The following CACNA1D variants were observed in gnomAD, a reference collection of about 807,000 sequenced individuals.
CACNA1D encodes the protein calcium voltage-gated channel subunit alpha1 D, also known as voltage-dependent L-type calcium channel subunit alpha-1D.
A neutral mutation model predicts 257.1 loss-of-function variants in CACNA1D; 55 were observed. The ratio of observed to expected loss-of-function variants is 0.21; its 90% CI spans 0.17 to 0.27. The LOEUF (loss-of-function observed/expected upper bound fraction) is 0.27. Among genes scored for constraint, CACNA1D ranks in the 10% least tolerant of loss-of-function variants. The probability of loss-of-function intolerance (pLI) is 1.00; values close to 1 mark genes in which losing one functional copy is unlikely to be tolerated. For missense variants in CACNA1D, 1,876 were observed against 2,784.0 expected (o/e 0.67, Z 7.34); for synonymous variants, 980 against 1,014.9 (o/e 0.97, Z 0.65).
chr3:53,741,728 G>A (rs748551924), intron 21 of CACNA1D, among the ~76,000 whole-genome samples: 29 of 152,248 alleles, frequency 1.9e-4, no homozygotes, highest in Non-Finnish European at 2.8e-4. Context: ...AACACTCACC[G>A]GCTCAGCTTC....
intron 27 of CACNA1D, among the ~76,000 whole-genome samples, chr3:53,750,667 C>T: frequency 6.6e-6 from 1 of 152,308 alleles, no homozygotes; most frequent in Non-Finnish European, 1.5e-5. Flanking sequence ...AAGGCCAGGC[C>T]AGCCACGCAG....
intron 3 of CACNA1D, among the ~76,000 whole-genome samples, chr3:53,549,374 C>T (rs970825522): frequency 5.9e-5 from 9 of 152,154 alleles, no homozygotes; most frequent in South Asian, 2.1e-4. Context: ...CCCTTGAGAC[C>T]GTGTGGATAT....
chr3:53,520,897 T>TC (rs2091541791), intron 3 of CACNA1D, among the ~76,000 whole-genome samples: 2 of 96,450 alleles, frequency 2.1e-5, no homozygotes, highest in Non-Finnish European at 4.3e-5. Context: ...TTTCTTTCTT[T>TC]TCTTTTCTTT....
At chr3:53,672,758 C>G (rs914527772) in intron 7 of CACNA1D, among the ~76,000 whole-genome samples, 5 of 95,008 alleles carry the variant, frequency 5.3e-5, no homozygotes, top group Non-Finnish European at 6.4e-5. Flanking sequence ...CTTGATGACT[C>G]TGTGTGTGTG....
rs3774553 is a variant in CACNA1D, at chr3:53,738,444, A to C, written c.2752-1836A>C. On this transcript the variant is annotated intron_variant, in intron 20 of 47. Coordinates refer to ENST00000350061, the MANE Select transcript of CACNA1D (RefSeq NM_001128840.3). ...AGGGTTTAGTTGCTCTAGATGCCCC[A>C]ATAGAAGAAAGACCTCTGTGTCATT... 3.7e-4 allele frequency among the ~76,000 whole-genome samples: 57 copies of C among 152,304 alleles called. 3 individuals are homozygous for C. In the East Asian group the frequency reaches 0.011, roughly 29 times the overall value.
At chr3:53,628,255 C>G (rs750963762) in intron 3 of CACNA1D, among the ~76,000 whole-genome samples, 2 of 152,096 alleles carry the variant, frequency 1.3e-5, no homozygotes, top group African/African-American at 2.4e-5. Flanking sequence ...TGTGCTTTTG[C>G]TGTTCTCTCT....
intron 39 of CACNA1D, among the ~76,000 whole-genome samples, chr3:53,784,864 G>A (rs1188036055): frequency 6.6e-6 from 1 of 152,168 alleles, no homozygotes; most frequent in Non-Finnish European, 1.5e-5. Context: ...GCTGGAGACG[G>A]CCATCTCTGG....
chr3:53,495,062 G>A lies in CACNA1D; in HGVS notation c.-105G>A. 1 of 683,122 alleles carries A rather than the reference G, an allele frequency of 1.5e-6. No homozygotes were observed. The highest frequency in any genetic ancestry group is 1.4e-5 in the South Asian group (1 of 73,574). 42.3% of individuals were successfully genotyped at this position (683,122 alleles called of 1,614,324 possible). A position where few individuals can be genotyped will look rare whatever the true frequency, so the allele number is the denominator to read the frequency against. Reference sequence around the variant, plus strand: ...CCTGCTGAAGCGAGAATAAGGGCAGGGACCGCGGCTCCTACCTCTTGGTGA... The same window carrying A: ...CCTGCTGAAGCGAGAATAAGGGCAGAGACCGCGGCTCCTACCTCTTGGTGA... On this transcript the variant is annotated 5_prime_UTR_variant, in exon 1 of 48. Transcript: ENST00000350061. The surrounding 1 kb of genome is among the most constrained non-coding windows in gnomAD (Gnocchi z 5.1).
Position 53,732,843 on chromosome 3 carries a change from G to T in CACNA1D, c.2502G>T (p.Glu834Asp). Residue 834 changes from glutamate to aspartate, a missense_variant, in exon 19 of 48, where the codon GAG becomes GAT. By Grantham distance (45) the Glu-to-Asp change is conservative. This residue lies in a region of CACNA1D where 271 missense variants were observed against 425.5 expected (regional missense o/e 0.64). Transcript: ENST00000350061. ...GGGAAGAGGAAGAGGAAGAGGAGGA[G>T]GATGAACCTGAGGTTCCTGCCGGAC... ...PVGEEEEEEE[E>D]DEPEVPAGPR... The T allele has an allele frequency of 6.2e-7, 1 of 1,612,674 alleles. No homozygotes were observed. The highest frequency in any genetic ancestry group is 8.5e-7 in the Non-Finnish European group (1 of 1,178,746).
intron 3 of CACNA1D, among the ~76,000 whole-genome samples, chr3:53,600,987 G>A (rs2093434419): frequency 6.6e-6 from 1 of 152,182 alleles, no homozygotes; most frequent in African/African-American, 2.4e-5. Flanking sequence ...ACGTGTTGGG[G>A]CACCCTCTCT....
intron 8 of CACNA1D, among the ~76,000 whole-genome samples, chr3:53,697,240 C>G (rs1559531411): frequency 6.6e-6 from 1 of 152,248 alleles, no homozygotes; most frequent in Non-Finnish European, 1.5e-5. Flanking sequence ...TGGGCACACT[C>G]ATTTCATGCT....
chr3:53,735,510 C>G lies in CACNA1D; in HGVS notation c.2751+7C>G. ...CCACTCCTTCCGGAACACGGTAAGT[C>G]CCCAGGGTGGGGCTCGCTCTGGGAT... On this transcript the variant is annotated splice_region_variant and intron_variant, in intron 20 of 47. Transcript: ENST00000350061. 1 of 1,613,856 alleles carries G rather than the reference C, an allele frequency of 6.2e-7. No individual in the cohort carries two copies. The highest frequency in any genetic ancestry group is 8.5e-7 in the Non-Finnish European group (1 of 1,179,986).
chr3:53,584,412 G>A (rs1017010948), intron 3 of CACNA1D, among the ~76,000 whole-genome samples: 6 of 152,182 alleles, frequency 3.9e-5, no homozygotes, highest in African/African-American at 1.4e-4. Context: ...TCCCTTCTGG[G>A]ATGCTCGTGT....
At chr3:53,633,861 A>G (rs1454049480) in intron 3 of CACNA1D, among the ~76,000 whole-genome samples, 1 of 152,216 alleles carries the variant, frequency 6.6e-6, no homozygotes, top group Non-Finnish European at 1.5e-5. Context: ...ATTTGAGCAG[A>G]ATCACAAGTT....
rs1045955 is a variant in CACNA1D at position 53,495,077 on chromosome 3, C to G, written c.-90C>G. 2.0e-5 allele frequency: 18 copies of G among 879,258 alleles called. No individual in the cohort carries two copies. The highest frequency in any genetic ancestry group is 2.5e-5 in the Non-Finnish European group (14 of 558,696). 54.5% of individuals were successfully genotyped at this position (879,258 alleles called of 1,614,324 possible). On this transcript the variant is annotated 5_prime_UTR_variant, in exon 1 of 48. Coordinates refer to ENST00000350061, the MANE Select transcript of CACNA1D (RefSeq NM_001128840.3). This position sits in a 1 kb window ranked among gnomAD's most constrained non-coding sequence, Gnocchi z 5.1. Reference sequence around the variant, plus strand: ...ATAAGGGCAGGGACCGCGGCTCCTACCTCTTGGTGATCCCCTTCCCCATTC... The same window carrying G: ...ATAAGGGCAGGGACCGCGGCTCCTAGCTCTTGGTGATCCCCTTCCCCATTC...
intron 8 of CACNA1D, among the ~76,000 whole-genome samples, chr3:53,682,457 T>A (rs2094441888): frequency 6.8e-6 from 1 of 146,910 alleles, no homozygotes; most frequent in Admixed American, 6.9e-5. Context: ...CTCAGGAGGC[T>A]GAGACAGGAG....
chr3:53,662,648 G>A (rs757254409), intron 5 of CACNA1D, among the ~76,000 whole-genome samples: 45 of 152,234 alleles, frequency 3.0e-4, no homozygotes, highest in South Asian at 6.2e-4. Flanking sequence ...TTTCTGACCC[G>A]GTGTTCTTCC....
chr3:53,625,215 A>G (rs1204504107), intron 3 of CACNA1D, among the ~76,000 whole-genome samples: 1 of 152,112 alleles, frequency 6.6e-6, no homozygotes, highest in Admixed American at 6.5e-5. Context: ...TGTGCCCTGG[A>G]AAGAGCACCG....
At position 53,636,590 on chromosome 3, in the gene CACNA1D, T is replaced by C. The variant is rs540043320; in HGVS notation, c.484-14189T>C. ...CACGAAGTGCTGGGATTACAGGCATTAGCCACTGCGCCTGGCCGAAAACTA... is the reference window on the plus strand; with the variant it reads ...CACGAAGTGCTGGGATTACAGGCATCAGCCACTGCGCCTGGCCGAAAACTA... On this transcript the variant is annotated intron_variant, in intron 3 of 47. Transcript: ENST00000350061. Among the ~76,000 whole-genome samples, 46 of 152,330 alleles carry C rather than the reference T, an allele frequency of 3.0e-4. No individual in the cohort carries two copies. In the South Asian group the frequency reaches 8.5e-3, roughly 28 times the overall value.
Sources: allele counts gnomAD v4.1 joint callset (sites outside exome capture counted in the v4.1 genomes callset), GRCh38; gene constraint gnomAD v4.1.1; regional missense constraint gnomAD v4.1.1; non-coding constraint Gnocchi (gnomAD v3.1); transcripts MANE v1.5; gene names NCBI Gene and HGNC (gene_info 2026-07-23, HGNC 2026-07-21).